The following ACSM2B variants were observed in gnomAD, a reference collection of about 807,000 sequenced individuals.
ACSM2B encodes acyl-CoA synthetase medium chain family member 2B, also known as acyl-coenzyme A synthetase ACSM2B, mitochondrial.
Under a neutral mutation model 78.6 loss-of-function variants are expected in ACSM2B, and 58 were observed. The observed-to-expected ratio is 0.74, with a 90% CI of 0.60 to 0.92. The LOEUF (loss-of-function observed/expected upper bound fraction) is 0.92, where lower values mean the gene tolerates loss of function less well. ACSM2B is among the 40% of genes least tolerant of loss of function. The pLI, the probability that ACSM2B is intolerant of heterozygous loss-of-function variation, is 0.00. For missense variants in ACSM2B, 688 were observed against 711.2 expected, an observed-to-expected ratio of 0.97 and a Z score of 0.37; for synonymous variants, 257 against 256.8, an observed-to-expected ratio of 1.00 and a Z score of -0.01.
At position 20,553,968 on chromosome 16, in the gene ACSM2B, A is replaced by G. The variant is rs762059337; in HGVS notation, c.597-48T>C. ...TTTTCTCAGATCTAGCCTGGACACC[A>G]GATATCAAAGTGACCCATCTTTTCC... On this transcript the variant is annotated intron_variant, in intron 4 of 13. Coordinates refer to ENST00000329697, the MANE Select transcript of ACSM2B (RefSeq NM_001105069.2). 30 of 1,609,850 alleles carry G rather than the reference A, an allele frequency of 1.9e-5. No homozygotes were observed. In the East Asian group the frequency reaches 3.1e-4, roughly 17 times the overall value.
intron 9 of ACSM2B, among the ~76,000 whole-genome samples, chr16:20,545,993 A>G (rs1426363994): frequency 3.3e-5 from 5 of 152,192 alleles, no homozygotes; most frequent in African/African-American, 9.7e-5. Context: ...CATACTATTT[A>G]ATACTATATC....
rs2015177473 is a variant in ACSM2B at position 20,547,594 on chromosome 16, T to C, written c.1098+468A>G. The C allele has an allele frequency of 3.0e-6, 3 of 996,422 alleles. No homozygotes were observed. The South Asian group carries it at 1.3e-4, about 43-fold the overall frequency. The allele number at this position is 996,422 out of a possible 1,614,324, so 61.7% of individuals were successfully genotyped here. A position where few individuals can be genotyped will look rare whatever the true frequency, so the allele number is the denominator to read the frequency against. On this transcript the variant is annotated intron_variant, in intron 8 of 13. Coordinates refer to ENST00000329697, the MANE Select transcript of ACSM2B (RefSeq NM_001105069.2). ...ACCTCAAGAGTTCCAAGAAGATATG[T>C]CAGGAGGTGCAGTAAAGCCATGGTG...
intron 13 of ACSM2B, among the ~76,000 whole-genome samples, chr16:20,538,881 G>A (rs969653744): frequency 6.6e-6 from 1 of 152,086 alleles, no homozygotes; most frequent in Non-Finnish European, 1.5e-5. Flanking sequence ...AAGTCCATGT[G>A]GTGGACTCTG....
At chr16:20,542,202 G>GCTAT (rs1159328540) in intron 12 of ACSM2B, 15 of 149,314 alleles carry the variant, frequency 1.0e-4, no homozygotes, top group African/African-American at 3.8e-4. Context: ...ACTTATTGCT[G>GCTAT]CTAACTGTAT....
At chr16:20,554,200 C>G (rs1221000256) in intron 4 of ACSM2B, 4 of 573,012 alleles carry the variant, frequency 7.0e-6, no homozygotes, top group Non-Finnish European at 1.3e-5. Context: ...GAGATCAAGT[C>G]TTATAGAGTT....
chr16:20,562,441 A>T (rs1355314904), intron 2 of ACSM2B, among the ~76,000 whole-genome samples: 1 of 152,162 alleles, frequency 6.6e-6, no homozygotes, highest in Non-Finnish European at 1.5e-5. Context: ...TTGGTAACAC[A>T]TGAGAGTGTC....
At position 20,560,164 on chromosome 16, in the gene ACSM2B, C is replaced by G. The variant is rs1017053527; in HGVS notation, c.178-717G>C. On this transcript the variant is annotated intron_variant, in intron 2 of 13. Coordinates refer to ENST00000329697, the MANE Select transcript of ACSM2B (RefSeq NM_001105069.2). ...AACTCTGTCCCCGTTACACAATCAC[C>G]TGTCATCCCCTCTCCCATTAGGCCC... is the stretch of plus-strand genomic sequence containing the variant. 3.3e-5 allele frequency among the ~76,000 whole-genome samples: 5 copies of G among 151,002 alleles called. 1 individual carries two copies. The highest frequency in any genetic ancestry group is 7.4e-5 in the Non-Finnish European group (5 of 68,012).
intron 13 of ACSM2B, among the ~76,000 whole-genome samples, chr16:20,540,198 A>G (rs2014945408): frequency 1.3e-5 from 2 of 149,592 alleles, no homozygotes; most frequent in African/African-American, 4.9e-5. Flanking sequence ...GGCTTTCTTG[A>G]GCATAGGAAG....
chr16:20,557,313 C>T (rs1195479120), intron 3 of ACSM2B, among the ~76,000 whole-genome samples: 1 of 152,132 alleles, frequency 6.6e-6, no homozygotes, highest in Non-Finnish European at 1.5e-5. Flanking sequence ...TATCTGTGCT[C>T]TTCACTCCAG....
chr16:20,567,227 A>T (rs1438108095), intron 1 of ACSM2B, among the ~76,000 whole-genome samples: 1 of 130,016 alleles, frequency 7.7e-6, no homozygotes, highest in African/African-American at 2.9e-5. Context: ...TATATACTAT[A>T]TATAATATAT....
intron 10 of ACSM2B, chr16:20,544,761 C>G (rs577411655): frequency 2.0e-6 from 2 of 985,586 alleles, no homozygotes; most frequent in Non-Finnish European, 2.4e-6. Context: ...GGTGAAGTCT[C>G]AACGTAAAGT....
chr16:20,549,535 A>G (rs1221452057), intron 6 of ACSM2B: 5 of 199,762 alleles, frequency 2.5e-5, no homozygotes, highest in Non-Finnish European at 1.0e-5. Flanking sequence ...AGGCCCAATC[A>G]TCTCTTAAAT....
At position 20,564,816 on chromosome 16, in the gene ACSM2B, A is replaced by G. The variant is rs904155595; in HGVS notation, c.30T>C (p.Leu10=). The change falls in exon 2 of 14, where the codon CTT becomes CTC. Residue 10 remains leucine, a synonymous_variant. Transcript: ENST00000329697. MHWLRKVQG[L]CTLWGTQMSS... ...ACATCTGAGTACCCCACAGGGTGCA[A>G]AGTCCCTGAACTTTTCGCAGCCAAT... 1 of 1,611,944 alleles carries G rather than the reference A, an allele frequency of 6.2e-7. No individual in the cohort carries two copies. The highest frequency in any genetic ancestry group is 1.3e-5 in the African/African-American group (1 of 74,822).
chr16:20,572,479 T>C (rs1280101232), intron 1 of ACSM2B, among the ~76,000 whole-genome samples: 7 of 133,484 alleles, frequency 5.2e-5, no homozygotes, highest in African/African-American at 1.8e-4. Flanking sequence ...ATAGATTACC[T>C]GGTGCTTTTG....
At position 20,553,777 on chromosome 16, in the gene ACSM2B, C is replaced by A; in HGVS notation, c.740G>T (p.Gly247Val). ...SLGLKAKMDA[G>V]WTGLQASDIM... is the part of the protein sequence containing the mutation. ...TGTAGAGAGAAAGAGCTCAGCTTAC[C>A]CAGCATCCATCTTGGCCTTGAGGCC... The change falls in exon 5 of 14, where the codon GGT becomes GTT. Residue 247 changes from glycine to valine, a missense_variant and splice_region_variant. Gly to Val is a moderately radical substitution (Grantham distance 109). Transcript: ENST00000329697. 6.2e-7 allele frequency: 1 copy of A among 1,601,596 alleles called. No individual in the cohort carries two copies. The highest frequency in any genetic ancestry group is 8.5e-7 in the Non-Finnish European group (1 of 1,169,966).
chr16:20,570,216 T>A (rs1016210150), intron 1 of ACSM2B, among the ~76,000 whole-genome samples: 2 of 151,966 alleles, frequency 1.3e-5, no homozygotes, highest in African/African-American at 2.4e-5. Context: ...TGGCTTTTAT[T>A]ACATTAAGGT....
intron 1 of ACSM2B, among the ~76,000 whole-genome samples, chr16:20,569,547 C>A (rs1266511887): frequency 6.6e-6 from 1 of 151,828 alleles, no homozygotes; most frequent in Middle Eastern, 3.4e-3. Context: ...CTTGCTTTGG[C>A]TATGATGACT....
intron 1 of ACSM2B, among the ~76,000 whole-genome samples, chr16:20,566,657 TA>T (rs1407578427): frequency 7.7e-5 from 3 of 39,130 alleles, no homozygotes; most frequent in African/African-American, 4.3e-4. Context: ...ATACTATATA[TA>T]TGTATATATA....
chr16:20,566,700 A>AC lies in ACSM2B; in HGVS notation c.-8-1848_-8-1847insG, dbSNP rs2015877614. 3.9e-3 allele frequency among the ~76,000 whole-genome samples: 26 copies of AC among 6,704 alleles called. 3 individuals are homozygous for AC. Among genetic ancestry groups the AC allele is most frequent in the African/African-American group, 0.011 (24 of 2,118 alleles). 4.4% of individuals were successfully genotyped at this position (6,704 alleles called of 152,430 possible). On this transcript the variant is annotated intron_variant, in intron 1 of 13. Coordinates refer to ENST00000329697, the MANE Select transcript of ACSM2B (RefSeq NM_001105069.2). ...ACATATAGTATATACTATATATAGTATATATATAGTATATATAGTATATAC... is the reference window on the plus strand; with the variant it reads ...ACATATAGTATATACTATATATAGTACTATATATAGTATATATAGTATATAC...
Sources: allele counts gnomAD v4.1 joint callset (sites outside exome capture counted in the v4.1 genomes callset), GRCh38; gene constraint gnomAD v4.1.1; transcripts MANE v1.5; gene names NCBI Gene and HGNC (gene_info 2026-07-23, HGNC 2026-07-21).